Variants in TMEM132D observed in about 807,000 individuals in gnomAD.
TMEM132D encodes the protein transmembrane protein 132D.
TMEM132D carries 21 observed loss-of-function variants against 62.3 expected under a neutral mutation model. That is an observed-to-expected ratio of 0.34 (90% CI 0.24 to 0.49). The LOEUF is 0.49. Among genes scored for constraint, TMEM132D ranks in the 20% least tolerant of loss-of-function variants. The pLI is 0.99. For missense variants in TMEM132D, 1,346 were observed against 1,402.8 expected (o/e 0.96, Z 0.65); for synonymous variants, 621 against 575.6 (o/e 1.08, Z -1.13).
intron 5 of TMEM132D, among the ~76,000 whole-genome samples, chr12:129,198,055 C>T (rs980415029): frequency 9.2e-5 from 14 of 152,242 alleles, no homozygotes; most frequent in Middle Eastern, 3.4e-3. Flanking sequence ...CGAATCACTA[C>T]GGAATGAAGA....
At chr12:129,705,499 C>T (rs1462399443) in intron 1 of TMEM132D, among the ~76,000 whole-genome samples, 9 of 152,132 alleles carry the variant, frequency 5.9e-5, no homozygotes, top group Admixed American at 5.2e-4. Context: ...TAAATATTCA[C>T]AGAAATATGA....
intron 2 of TMEM132D, among the ~76,000 whole-genome samples, chr12:129,575,152 T>C (rs1452068994): frequency 1.3e-5 from 2 of 151,802 alleles, no homozygotes; most frequent in Non-Finnish European, 2.9e-5. Flanking sequence ...TTTCTTATGA[T>C]TTTCCGAGCG....
chr12:129,613,470 G>C (rs1447619755), intron 2 of TMEM132D, among the ~76,000 whole-genome samples: 1 of 152,164 alleles, frequency 6.6e-6, no homozygotes, highest in Non-Finnish European at 1.5e-5. Flanking sequence ...TAAGACTGGA[G>C]AAGGCACACC....
chr12:129,879,836 C>A (rs1428030384), intron 1 of TMEM132D, among the ~76,000 whole-genome samples: 3 of 151,842 alleles, frequency 2.0e-5, no homozygotes, highest in Admixed American at 1.3e-4. Flanking sequence ...AGAAGACAAC[C>A]AAGAAAACAA....
At chr12:129,515,967 A>C (rs535592394) in intron 3 of TMEM132D, among the ~76,000 whole-genome samples, 49 of 152,358 alleles carry the variant, frequency 3.2e-4, no homozygotes, top group African/African-American at 1.2e-3. Context: ...TGAACCATGC[A>C]GAAAGTGAGG....
chr12:129,459,058 C>T (rs1873572557), intron 3 of TMEM132D, among the ~76,000 whole-genome samples: 1 of 152,164 alleles, frequency 6.6e-6, no homozygotes, highest in Admixed American at 6.5e-5. Context: ...GCTCTGTGCT[C>T]AGCGGGTTGT....
chr12:129,243,566 T>G (rs1391726442), intron 4 of TMEM132D, among the ~76,000 whole-genome samples: 2 of 152,174 alleles, frequency 1.3e-5, no homozygotes, highest in African/African-American at 4.8e-5. Flanking sequence ...AACAGATATA[T>G]TTTTTGCAAA....
intron 3 of TMEM132D, among the ~76,000 whole-genome samples, chr12:129,399,317 A>C (rs1201098075): frequency 2.1e-5 from 1 of 46,668 alleles, no homozygotes; most frequent in Non-Finnish European, 4.5e-5. Context: ...TAGCTAACCC[A>C]TTCCCACAAC....
At chr12:129,587,381 G>A (rs901752922) in intron 2 of TMEM132D, among the ~76,000 whole-genome samples, 1 of 152,160 alleles carries the variant, frequency 6.6e-6, no homozygotes, top group Non-Finnish European at 1.5e-5. Context: ...TACACACTGG[G>A]CCTATGTGAG....
intron 2 of TMEM132D, among the ~76,000 whole-genome samples, chr12:129,697,836 T>C (rs550906002): frequency 3.3e-5 from 5 of 152,286 alleles, no homozygotes; most frequent in African/African-American, 2.4e-5. Context: ...TGGATATGTT[T>C]AGTGTGTCAT....
At chr12:129,582,735 C>T (rs973619685) in intron 2 of TMEM132D, among the ~76,000 whole-genome samples, 1 of 151,444 alleles carries the variant, frequency 6.6e-6, no homozygotes, top group Non-Finnish European at 1.5e-5. Context: ...TCTCCTGCCT[C>T]ACCTTCCCAA....
At chr12:129,416,814 T>C (rs1872134485) in intron 3 of TMEM132D, among the ~76,000 whole-genome samples, 1 of 152,248 alleles carries the variant, frequency 6.6e-6, no homozygotes, top group South Asian at 2.1e-4. Flanking sequence ...GTGGTTTTTG[T>C]CATTGGTTCT....
intron 4 of TMEM132D, among the ~76,000 whole-genome samples, chr12:129,226,201 C>T (rs190374213): frequency 5.9e-5 from 9 of 152,260 alleles, no homozygotes; most frequent in East Asian, 3.9e-4. Flanking sequence ...TGGAGGCTTG[C>T]GATAAGAAAG....
chr12:129,570,912 G>T (rs542543533), intron 2 of TMEM132D, among the ~76,000 whole-genome samples: 1 of 152,072 alleles, frequency 6.6e-6, no homozygotes, highest in Non-Finnish European at 1.5e-5. Context: ...ACAATGACTC[G>T]TCTGCTGTGG....
intron 1 of TMEM132D, among the ~76,000 whole-genome samples, chr12:129,900,319 G>A (rs567961432): frequency 3.9e-5 from 6 of 152,264 alleles, no homozygotes; most frequent in South Asian, 4.1e-4. Context: ...TTAAACATCC[G>A]TTTCAGCATA....
intron 3 of TMEM132D, among the ~76,000 whole-genome samples, chr12:129,376,739 A>T (rs542942151): frequency 1.3e-5 from 2 of 152,312 alleles, no homozygotes; most frequent in Admixed American, 6.5e-5. Context: ...ACAGAAGTGG[A>T]AGTGGTTAGG....
chr12:129,244,388 A>AT (rs1391585875), intron 4 of TMEM132D, among the ~76,000 whole-genome samples: 2 of 45,288 alleles, frequency 4.4e-5, no homozygotes, highest in Non-Finnish European at 1.1e-4. Flanking sequence ...TCTGTCTCAA[A>AT]AAAAAAAAAA....
intron 2 of TMEM132D, among the ~76,000 whole-genome samples, chr12:129,578,798 C>G (rs1286601246): frequency 6.6e-6 from 1 of 152,134 alleles, no homozygotes; most frequent in Non-Finnish European, 1.5e-5. Context: ...AGAGTTAATT[C>G]AACCTTCCTC....
intron 3 of TMEM132D, among the ~76,000 whole-genome samples, chr12:129,477,450 C>A (rs1232662414): frequency 6.6e-6 from 1 of 152,196 alleles, no homozygotes; most frequent in Admixed American, 6.5e-5. Context: ...ACTTGGTCTC[C>A]ATGCTCTATT....
Sources: gnomAD v4.1 joint callset for allele counts (sites outside exome capture counted in the v4.1 genomes callset) on GRCh38, gnomAD v4.1.1 for gene constraint, MANE v1.5 for transcripts, NCBI Gene and HGNC (gene_info 2026-07-23, HGNC 2026-07-21) for gene names.